Variants in S100A8 observed in about 807,000 individuals in gnomAD.
S100A8 encodes protein S100-A8.
In S100A8, 1 loss-of-function variant was observed where a neutral mutation model predicts 4.2. That is an observed-to-expected ratio of 0.24 (90% CI 0.08 to 1.12). The LOEUF (loss-of-function observed/expected upper bound fraction) is 1.12. S100A8 is among the 50% of genes most tolerant of loss of function. S100A8 has a pLI of 0.53. For missense variants in S100A8, 96 were observed against 111.8 expected (o/e 0.86, Z 0.64); for synonymous variants, 41 against 44.7 (o/e 0.92, Z 0.33).
At chr1:153,406,758 T>C in the S100A8 span, among the ~76,000 whole-genome samples, 1 of 152,042 alleles carries the variant, frequency 6.6e-6, no homozygotes, top group Non-Finnish European at 1.5e-5. Flanking sequence ...CAGCCTGTTG[T>C]GAGCTCTCCT....
intron 2 of S100A8, 76 bp from the exon 3 acceptor site, chr1:153,390,319 T>C: frequency 6.2e-7 from 1 of 1,603,150 alleles, no homozygotes; most frequent in Non-Finnish European, 8.5e-7. Flanking sequence ...CTATGAAGGG[T>C]GGCAGGGAGG....
At chr1:153,416,649 G>A in the S100A8 span, 4 of 359,972 alleles carry the variant, frequency 1.1e-5, no homozygotes, top group South Asian at 2.6e-5. Context: ...AAGGGCTGTG[G>A]ACAAAGTCTC....
At chr1:153,402,411 G>A in the S100A8 span, among the ~76,000 whole-genome samples, 4 of 152,132 alleles carry the variant, frequency 2.6e-5, no homozygotes, top group African/African-American at 7.2e-5. Flanking sequence ...CCAACCTTAG[G>A]GAGAGCAGGA....
At chr1:153,418,363 A>G in the S100A8 span, 1 of 1,144,322 alleles carries the variant, frequency 8.7e-7, no homozygotes, top group East Asian at 2.4e-5. Context: ...TATTGCTTGG[A>G]TCATATGTGA....
At chr1:153,419,084 T>G in the S100A8 span, 1 of 1,576,824 alleles carries the variant, frequency 6.3e-7, no homozygotes, top group Non-Finnish European at 8.7e-7. Context: ...TCCTCTCCCC[T>G]CCCAGCCCAA....
At chr1:153,409,329 T>TAG in the S100A8 span, among the ~76,000 whole-genome samples, 8 of 152,188 alleles carry the variant, frequency 5.3e-5, no homozygotes, top group Non-Finnish European at 1.0e-4. Context: ...CTTGCAATCC[T>TAG]AGTCTCTGAT....
the S100A8 span, among the ~76,000 whole-genome samples, chr1:153,417,622 G>C: frequency 6.6e-6 from 1 of 152,168 alleles, no homozygotes; most frequent in East Asian, 1.9e-4. Flanking sequence ...AGCCGAGGAG[G>C]GTCAGACACC....
At chr1:153,390,332 C>T (rs534423176) in intron 2 of S100A8, 63 bp downstream of exon 2, 39 of 1,603,538 alleles carry the variant, frequency 2.4e-5, no homozygotes, top group Admixed American at 1.0e-4. Flanking sequence ...CAGGGAGGAC[C>T]GCTGGCCCAG....
At chr1:153,419,069 C>A in the S100A8 span, 1 of 1,493,966 alleles carries the variant, frequency 6.7e-7, no homozygotes, top group Non-Finnish European at 9.2e-7. Flanking sequence ...TGTATCTCTG[C>A]CTCCTCCTCT....
chr1:153,393,212 A>G (rs562006045), upstream of S100A8, among the ~76,000 whole-genome samples: 105 of 152,282 alleles, frequency 6.9e-4, 1 homozygote, highest in African/African-American at 2.4e-3. Context: ...CTCAGGCATC[A>G]TCTGCTCCAA....
chr1:153,411,662 C>T, the S100A8 span, among the ~76,000 whole-genome samples: 1 of 152,132 alleles, frequency 6.6e-6, no homozygotes, highest in Non-Finnish European at 1.5e-5. Flanking sequence ...AAAAAAGAGC[C>T]CTCATTGCCA....
At chr1:153,415,757 G>A in the S100A8 span, among the ~76,000 whole-genome samples, 1 of 152,014 alleles carries the variant, frequency 6.6e-6, no homozygotes, top group East Asian at 1.9e-4. Context: ...AGATAGTGAG[G>A]CCCCTGACCC....
the S100A8 span, among the ~76,000 whole-genome samples, chr1:153,415,615 T>C: frequency 2.7e-5 from 4 of 150,006 alleles, no homozygotes; most frequent in South Asian, 6.2e-4. Flanking sequence ...CTGTTTTGCA[T>C]AGGAGGAGGA....
the S100A8 span, chr1:153,418,257 G>A: frequency 6.2e-7 from 1 of 1,605,574 alleles, no homozygotes; most frequent in Non-Finnish European, 8.5e-7. Flanking sequence ...ATGTTGGTTG[G>A]ACCCTGGCAT....
chr1:153,397,978 T>C, the S100A8 span, among the ~76,000 whole-genome samples: 1 of 152,214 alleles, frequency 6.6e-6, no homozygotes, highest in African/African-American at 2.4e-5. Context: ...CAAGGTTTCC[T>C]GGAAACAGGA....
the S100A8 span, among the ~76,000 whole-genome samples, chr1:153,408,276 C>A: frequency 6.6e-6 from 1 of 152,086 alleles, no homozygotes; most frequent in Non-Finnish European, 1.5e-5. Flanking sequence ...ATAGAGAAGA[C>A]CTTAAATGAC....
chr1:153,411,306 A>G, the S100A8 span, among the ~76,000 whole-genome samples: 2 of 152,232 alleles, frequency 1.3e-5, no homozygotes, highest in South Asian at 4.1e-4. Flanking sequence ...ATCAATGTAC[A>G]AAAATCACAA....
chr1:153,396,422 A>C, the S100A8 span, among the ~76,000 whole-genome samples: 1 of 152,262 alleles, frequency 6.6e-6, no homozygotes, highest in Non-Finnish European at 1.5e-5. Flanking sequence ...AAATTGCTTT[A>C]TTCTCTCTCA....
the S100A8 span, among the ~76,000 whole-genome samples, chr1:153,403,114 G>A: frequency 6.6e-6 from 1 of 152,208 alleles, no homozygotes; most frequent in Non-Finnish European, 1.5e-5. Flanking sequence ...AGGTCTAACT[G>A]TGGAAAGTAA....
Sources: allele counts gnomAD v4.1 joint callset (sites outside exome capture counted in the v4.1 genomes callset), GRCh38; gene constraint gnomAD v4.1.1; transcripts MANE v1.5; gene names NCBI Gene and HGNC (gene_info 2026-07-23, HGNC 2026-07-21).